The following ELMO1 variants were observed in gnomAD, a reference collection of about 807,000 sequenced individuals.
ELMO1 encodes the protein engulfment and cell motility protein 1.
A neutral mutation model predicts 98.9 loss-of-function variants in ELMO1; 26 were observed. The ratio of observed to expected loss-of-function variants is 0.26; its 90% CI spans 0.19 to 0.36. The LOEUF is 0.36. Among genes scored for constraint, ELMO1 ranks in the 10% least tolerant of loss-of-function variants. ELMO1 has a pLI of 1.00. For missense variants in ELMO1, 627 were observed against 935.2 expected, an observed-to-expected ratio of 0.67 and a Z score of 4.30; for synonymous variants, 346 against 346.0, an observed-to-expected ratio of 1.00 and a Z score of 0.00.
At chr7:37,328,558 A>T (rs1347386505) in intron 2 of ELMO1, among the ~76,000 whole-genome samples, 1 of 152,126 alleles carries the variant, frequency 6.6e-6, no homozygotes, top group African/African-American at 2.4e-5. Flanking sequence ...CCAGGTGCTC[A>T]GCGCTAACAC....
chr7:37,156,999 A>C (rs971037021), intron 13 of ELMO1, among the ~76,000 whole-genome samples: 2 of 152,220 alleles, frequency 1.3e-5, no homozygotes, highest in African/African-American at 4.8e-5. Flanking sequence ...CCTGGGATGC[A>C]AGGCTGGTTC....
intron 16 of ELMO1, among the ~76,000 whole-genome samples, chr7:36,977,523 G>A (rs1323411996): frequency 1.3e-5 from 2 of 152,206 alleles, no homozygotes; most frequent in Non-Finnish European, 2.9e-5. Flanking sequence ...AAGTCACATG[G>A]AATTGCAACA....
intron 4 of ELMO1, among the ~76,000 whole-genome samples, chr7:37,291,451 A>G (rs1797674270): frequency 6.6e-6 from 1 of 152,262 alleles, no homozygotes; most frequent in African/African-American, 2.4e-5. Context: ...AATTTAGGAA[A>G]AAGAATTTGT....
intron 16 of ELMO1, among the ~76,000 whole-genome samples, chr7:36,939,167 T>G (rs1316255256): frequency 6.7e-6 from 1 of 150,258 alleles, no homozygotes; most frequent in Non-Finnish European, 1.5e-5. Flanking sequence ...ATTTAAGAAA[T>G]GAGTTTTTTT....
intron 16 of ELMO1, among the ~76,000 whole-genome samples, chr7:36,948,410 C>T (rs1442989161): frequency 1.3e-5 from 2 of 152,206 alleles, no homozygotes; most frequent in East Asian, 3.9e-4. Context: ...GCACCAGGCA[C>T]TTGGCATACA....
chr7:36,983,449 C>T (rs1319562177), intron 16 of ELMO1, among the ~76,000 whole-genome samples: 1 of 152,178 alleles, frequency 6.6e-6, no homozygotes, highest in Non-Finnish European at 1.5e-5. Flanking sequence ...GCTGATGAAA[C>T]CATCTTCCCC....
chr7:37,363,397 C>T (rs1168269023), intron 1 of ELMO1, among the ~76,000 whole-genome samples: 3 of 152,182 alleles, frequency 2.0e-5, no homozygotes, highest in African/African-American at 7.2e-5. Context: ...CCCCACTGCT[C>T]TCAAGCTCAA....
rs935936430 is a variant in ELMO1, at chr7:36,937,001, G to A, written c.1438-41984C>T. 3.9e-5 allele frequency among the ~76,000 whole-genome samples: 6 copies of A among 152,014 alleles called. No individual in the cohort carries two copies. The East Asian group carries it at 7.7e-4, about 20-fold the overall frequency. ...CCAGGGATCTACTTCAGTTTTATTCGGGCACAGGGACATCACTGGCATTTT... is the reference window on the plus strand; with the variant it reads ...CCAGGGATCTACTTCAGTTTTATTCAGGCACAGGGACATCACTGGCATTTT... On this transcript the variant is annotated intron_variant, in intron 16 of 21. Transcript: ENST00000310758.
intron 13 of ELMO1, among the ~76,000 whole-genome samples, chr7:37,195,055 C>T (rs1038638942): frequency 6.6e-6 from 1 of 152,170 alleles, no homozygotes; most frequent in African/African-American, 2.4e-5. Context: ...GGCTAATAAG[C>T]AAGTACAAAC....
At chr7:37,256,115 T>G (rs1384982282) in intron 6 of ELMO1, among the ~76,000 whole-genome samples, 1 of 152,160 alleles carries the variant, frequency 6.6e-6, no homozygotes, top group Admixed American at 6.5e-5. Flanking sequence ...CCCTAAACTT[T>G]TTCAACTTCC....
At chr7:37,182,970 T>C (rs1034995882) in intron 13 of ELMO1, among the ~76,000 whole-genome samples, 7 of 152,252 alleles carry the variant, frequency 4.6e-5, no homozygotes, top group Non-Finnish European at 1.0e-4. Flanking sequence ...TGCTATGCTC[T>C]TCTTTTTTTT....
chr7:37,389,163 T>G (rs529755634), intron 1 of ELMO1, among the ~76,000 whole-genome samples: 89 of 152,344 alleles, frequency 5.8e-4, no homozygotes, highest in African/African-American at 2.0e-3. Context: ...TAGAGAGGGC[T>G]AATTTGTGGG....
intron 16 of ELMO1, among the ~76,000 whole-genome samples, chr7:36,955,987 A>G (rs1434107152): frequency 6.6e-6 from 1 of 152,230 alleles, no homozygotes; most frequent in Non-Finnish European, 1.5e-5. Flanking sequence ...CTCCTCTGCT[A>G]GACCACTCGA....
In ELMO1 at chr7:37,087,542, T is replaced by G. The variant is rs573827545; in HGVS notation, c.1300+9077A>C. ...TAACATTATTGGGTTTAAATTGAAA[T>G]TAGCATCTGGGTTTTCACATTGAGC... On this transcript the variant is annotated intron_variant, in intron 15 of 21. Transcript: ENST00000310758. 2.6e-5 allele frequency among the ~76,000 whole-genome samples: 4 copies of G among 152,282 alleles called. No homozygotes were observed. In the East Asian group the frequency reaches 7.7e-4, roughly 29 times the overall value.
intron 6 of ELMO1, among the ~76,000 whole-genome samples, chr7:37,251,017 G>A (rs780942143): frequency 6.6e-6 from 1 of 152,010 alleles, no homozygotes; most frequent in African/African-American, 2.4e-5. Flanking sequence ...AGTGATGACT[G>A]ACTAACAGTG....
chr7:37,134,451 C>T (rs950262388), intron 13 of ELMO1, among the ~76,000 whole-genome samples: 5 of 150,896 alleles, frequency 3.3e-5, no homozygotes, highest in East Asian at 2.0e-4. Flanking sequence ...CCCAGCTACT[C>T]GAGAGGTGGA....
chr7:37,297,361 C>T (rs553975928), intron 4 of ELMO1, among the ~76,000 whole-genome samples: 12 of 152,024 alleles, frequency 7.9e-5, no homozygotes, highest in South Asian at 2.1e-4. Flanking sequence ...GTTCCAATTC[C>T]GGCATTCAGA....
At chr7:36,903,548 A>C (rs1188149728) in intron 16 of ELMO1, among the ~76,000 whole-genome samples, 1 of 152,234 alleles carries the variant, frequency 6.6e-6, no homozygotes, top group Non-Finnish European at 1.5e-5. Flanking sequence ...TTCACTGTAT[A>C]ATACAATTCA....
intron 1 of ELMO1, among the ~76,000 whole-genome samples, chr7:37,364,112 C>G (rs1182868469): frequency 6.6e-6 from 1 of 152,190 alleles, no homozygotes; most frequent in East Asian, 1.9e-4. Context: ...GACAATACCC[C>G]CAACACCATA....
Sources: allele counts gnomAD v4.1 joint callset (sites outside exome capture counted in the v4.1 genomes callset), GRCh38; gene constraint gnomAD v4.1.1; transcripts MANE v1.5; gene names NCBI Gene and HGNC (gene_info 2026-07-23, HGNC 2026-07-21).